The following CNTN1 variants were observed in gnomAD, a reference collection of about 807,000 sequenced individuals.
The protein encoded by CNTN1 is contactin 1.
Under a neutral mutation model 126.4 loss-of-function variants are expected in CNTN1, and 38 were observed. The observed-to-expected ratio is 0.30, with a 90% CI of 0.23 to 0.39. CNTN1 has a LOEUF of 0.39. CNTN1 is among the 10% of genes least tolerant of loss of function. The pLI is 1.00. For missense variants in CNTN1, 1,009 were observed against 1,248.4 expected (o/e 0.81, Z 2.89); for synonymous variants, 413 against 422.6 (o/e 0.98, Z 0.28).
At chr12:40,759,497 A>C (rs1592056250) in intron 1 of CNTN1, among the ~76,000 whole-genome samples, 1 of 132,600 alleles carries the variant, frequency 7.5e-6, no homozygotes, top group African/African-American at 2.9e-5. Flanking sequence ...ACAGGGTCTC[A>C]CTCTGTCACC....
chr12:40,752,729 C>A (rs1938451441), intron 1 of CNTN1, among the ~76,000 whole-genome samples: 1 of 151,806 alleles, frequency 6.6e-6, no homozygotes. Context: ...AAGTTAAAGA[C>A]AAAAACATTT....
At chr12:40,822,112 G>A (rs994848345) in intron 1 of CNTN1, among the ~76,000 whole-genome samples, 1 of 108,152 alleles carries the variant, frequency 9.2e-6, no homozygotes. Flanking sequence ...ACTTCTCAAT[G>A]TTTTTTATAA....
chr12:41,009,485 C>G (rs1786291623), intron 17 of CNTN1, among the ~76,000 whole-genome samples: 1 of 152,200 alleles, frequency 6.6e-6, no homozygotes, highest in Non-Finnish European at 1.5e-5. Flanking sequence ...GGCTGTTGAG[C>G]TGGTCCACAG....
At chr12:41,011,595 A>G (rs759998479) in intron 17 of CNTN1, among the ~76,000 whole-genome samples, 6 of 152,156 alleles carry the variant, frequency 3.9e-5, no homozygotes, top group Non-Finnish European at 8.8e-5. Context: ...CAGCCATGGA[A>G]CCAGAGGAAC....
chr12:40,927,055 T>C (rs942113713), intron 6 of CNTN1, among the ~76,000 whole-genome samples: 6 of 124,730 alleles, frequency 4.8e-5, no homozygotes, highest in Non-Finnish European at 1.1e-4. Flanking sequence ...TATCAATTTA[T>C]GATTCATCAT....
intron 17 of CNTN1, among the ~76,000 whole-genome samples, chr12:41,008,556 A>T (rs1948562548): frequency 6.6e-6 from 1 of 152,182 alleles, no homozygotes. Flanking sequence ...AACCCTAGCT[A>T]AATCTTTCCT....
chr12:40,931,167 T>C (rs969633417), intron 7 of CNTN1, among the ~76,000 whole-genome samples: 2 of 151,996 alleles, frequency 1.3e-5, no homozygotes, highest in African/African-American at 4.8e-5. Flanking sequence ...CCTCATTATC[T>C]CTGCATATTC....
chr12:41,058,292 G>A (rs1268109556), intron 23 of CNTN1, among the ~76,000 whole-genome samples: 1 of 152,016 alleles, frequency 6.6e-6, no homozygotes, highest in African/African-American at 2.4e-5. Flanking sequence ...ACACCTAAAA[G>A]TCCCTGTTTC....
intron 4 of CNTN1, among the ~76,000 whole-genome samples, chr12:40,920,069 A>G (rs544002405): frequency 5.3e-5 from 8 of 152,300 alleles, no homozygotes; most frequent in Non-Finnish European, 8.8e-5. Context: ...CACAGTTTTT[A>G]TGACTTCCAA....
At chr12:40,777,011 G>A (rs749924589) in intron 1 of CNTN1, among the ~76,000 whole-genome samples, 6 of 151,394 alleles carry the variant, frequency 4.0e-5, no homozygotes, top group Admixed American at 2.0e-4. Flanking sequence ...GGCATTAACT[G>A]TCACACCTCT....
At chr12:41,069,868 T>A (rs1950127094) in intron 23 of CNTN1, 91 bp from the exon 24 acceptor site, 1 of 967,860 alleles carries the variant, frequency 1.0e-6, no homozygotes, top group South Asian at 1.3e-5. Flanking sequence ...TTTCCAGGGC[T>A]ATGCAATCTC....
intron 1 of CNTN1, among the ~76,000 whole-genome samples, chr12:40,758,416 G>T (rs1002479516): frequency 6.6e-6 from 1 of 151,464 alleles, no homozygotes; most frequent in Non-Finnish European, 1.5e-5. Context: ...GAAAGACCTT[G>T]GTCTTTTTCG....
chr12:40,917,318 T>C (rs56294359), intron 3 of CNTN1, among the ~76,000 whole-genome samples: 78,663 of 151,890 alleles, frequency 0.52, 21,003 homozygotes, highest in African/African-American at 0.67. Context: ...GATTATAAGC[T>C]AGGTACATTG....
intron 17 of CNTN1, among the ~76,000 whole-genome samples, chr12:41,013,943 T>A (rs1314126851): frequency 6.6e-5 from 10 of 152,206 alleles, no homozygotes; most frequent in Non-Finnish European, 1.5e-4. Flanking sequence ...AAAATCTTTT[T>A]CCAACAGTCT....
chr12:40,948,246 TTTTC>T (rs1479794251), intron 14 of CNTN1, among the ~76,000 whole-genome samples: 33 of 145,332 alleles, frequency 2.3e-4, no homozygotes, highest in Admixed American at 5.8e-4. Context: ...GCTAGCTAGT[TTTTC>T]TTTCTTTCTT....
chr12:40,788,142 T>C lies in CNTN1; in HGVS notation c.-77+95550T>C, dbSNP rs562201444. On this transcript the variant is annotated intron_variant, in intron 1 of 23. Coordinates refer to ENST00000551295, the MANE Select transcript of CNTN1 (RefSeq NM_001843.4). ...CAATGTCTCCTCCCATCGTCCAAGA[T>C]TCCTAGAGAATTGCTCCATCTAATG... Among the ~76,000 whole-genome samples the C allele has an allele frequency of 5.3e-5, 8 of 152,278 alleles. No individual in the cohort carries two copies. In the South Asian group the frequency reaches 1.7e-3, roughly 32 times the overall value.
chr12:40,810,671 C>A (rs1236128654), intron 1 of CNTN1, among the ~76,000 whole-genome samples: 2 of 151,786 alleles, frequency 1.3e-5, no homozygotes, highest in African/African-American at 4.8e-5. Flanking sequence ...CTTCAGTTAG[C>A]ATAATGTTCT....
intron 1 of CNTN1, among the ~76,000 whole-genome samples, chr12:40,759,567 G>T (rs1160590088): frequency 4.0e-5 from 6 of 151,546 alleles, no homozygotes; most frequent in Non-Finnish European, 7.4e-5. Flanking sequence ...CCAGGCTCAA[G>T]TGATCCTCCC....
At chr12:40,860,347 C>A (rs1330742292) in intron 1 of CNTN1, among the ~76,000 whole-genome samples, 1 of 152,000 alleles carries the variant, frequency 6.6e-6, no homozygotes, top group Non-Finnish European at 1.5e-5. Context: ...AACACTTATC[C>A]AGTTTTGATT....
Sources: gnomAD v4.1 joint callset for allele counts (sites outside exome capture counted in the v4.1 genomes callset) on GRCh38, gnomAD v4.1.1 for gene constraint, MANE v1.5 for transcripts, NCBI Gene and HGNC (gene_info 2026-07-23, HGNC 2026-07-21) for gene names.